The following GPC3 variants were observed in gnomAD, a reference collection of about 807,000 sequenced individuals.
GPC3 encodes the protein glypican 3, also known as glypican-3.
A neutral mutation model predicts 34.4 loss-of-function variants in GPC3; 3 were observed. That is an observed-to-expected ratio of 0.09 (90% confidence interval 0.04 to 0.23). GPC3 has a LOEUF of 0.23. Ranked by LOEUF, GPC3 falls within the 10% of genes least tolerant of loss-of-function variation. The pLI, the probability that GPC3 is intolerant of heterozygous loss-of-function variation, is 1.00. For missense variants in GPC3, 351 were observed against 445.6 expected (o/e 0.79, Z 1.91); for synonymous variants, 177 against 174.0 (o/e 1.02, Z -0.13).
chrX:133,801,992 A>G (rs887966106), intron 2 of GPC3, among the ~76,000 whole-genome samples: 2 of 112,123 alleles, frequency 1.8e-5, no homozygotes, highest in African/African-American at 6.5e-5. Context: ...AGAAAAAAAC[A>G]AAACCTTACT....
chrX:133,941,225 G>A (rs1354262967), intron 2 of GPC3, among the ~76,000 whole-genome samples: 1 of 112,283 alleles, frequency 8.9e-6, no homozygotes, highest in Non-Finnish European at 1.9e-5. Context: ...TCAAAGAATA[G>A]TTCCAGGGCC....
Position 133,714,953 on chromosome X carries a change from T to C in GPC3, c.1033-14925A>G, listed in dbSNP as rs1409124038. ...ACTGGAGGGAGCAGAATGGGGTTTG[T>C]AATGGTTAATACTGAATGTCAACTT... On this transcript the variant is annotated intron_variant, in intron 3 of 7. Coordinates refer to ENST00000370818, the MANE Select transcript of GPC3 (RefSeq NM_004484.4). 2.7e-5 allele frequency among the ~76,000 whole-genome samples: 3 copies of C among 111,844 alleles called. No homozygotes were observed. In the East Asian group the frequency reaches 8.4e-4, roughly 31 times the overall value.
chrX:133,755,333 C>A (rs1309207007), intron 2 of GPC3, among the ~76,000 whole-genome samples: 1 of 111,557 alleles, frequency 9.0e-6, no homozygotes, highest in Non-Finnish European at 1.9e-5. Flanking sequence ...AGACCATACT[C>A]CAACAGTTCC....
At chrX:133,623,067 T>C (rs1236185983) in intron 6 of GPC3, among the ~76,000 whole-genome samples, 1 of 111,886 alleles carries the variant, frequency 8.9e-6, no homozygotes, top group Non-Finnish European at 1.9e-5. Context: ...CTAAGCTTCA[T>C]CAGTGAATGA....
chrX:133,762,963 G>A (rs2071809805), intron 2 of GPC3: 1 of 633,460 alleles, frequency 1.6e-6, no homozygotes, highest in Non-Finnish European at 2.6e-6. Flanking sequence ...GGACCTGGGA[G>A]AATCTTCTGC....
intron 2 of GPC3, among the ~76,000 whole-genome samples, chrX:133,914,796 G>A (rs762622174): frequency 2.9e-5 from 3 of 104,354 alleles, no homozygotes. Flanking sequence ...TTTCTTTTTT[G>A]TAGCAAAAGA....
chrX:133,561,074 T>C (rs1027240671), intron 7 of GPC3, among the ~76,000 whole-genome samples: 2 of 112,204 alleles, frequency 1.8e-5, no homozygotes, highest in African/African-American at 6.5e-5. Context: ...GGTGCTACCA[T>C]GCTGCCCATC....
intron 2 of GPC3, among the ~76,000 whole-genome samples, chrX:133,821,807 A>G (rs1191279433): frequency 8.9e-6 from 1 of 112,099 alleles, no homozygotes; most frequent in African/African-American, 3.2e-5. Context: ...TTGCTAGGAA[A>G]ACATATTACA....
intron 2 of GPC3, among the ~76,000 whole-genome samples, chrX:133,792,504 T>C (rs1356514046): frequency 9.0e-6 from 1 of 111,078 alleles, no homozygotes; most frequent in East Asian, 2.8e-4. Context: ...TGATAAGGAT[T>C]TGGCATTCAA....
intron 6 of GPC3, among the ~76,000 whole-genome samples, chrX:133,652,560 C>T (rs980265426): frequency 2.7e-5 from 3 of 111,768 alleles, no homozygotes; most frequent in African/African-American, 6.5e-5. Flanking sequence ...ACAGTTGCTA[C>T]ATAAAATCAC....
chrX:133,740,244 G>A (rs2071550902), intron 3 of GPC3, among the ~76,000 whole-genome samples: 1 of 111,697 alleles, frequency 9.0e-6, no homozygotes, highest in Non-Finnish European at 1.9e-5. Flanking sequence ...TGGTAGGGGA[G>A]GAAACAGACT....
At chrX:133,944,088 A>ATC (rs763031870) in intron 2 of GPC3, among the ~76,000 whole-genome samples, 1 of 110,265 alleles carries the variant, frequency 9.1e-6, no homozygotes, top group African/African-American at 3.3e-5. Context: ...GAGTGTATGT[A>ATC]TATATATATA....
intron 7 of GPC3, among the ~76,000 whole-genome samples, chrX:133,557,936 T>A (rs2069504405): frequency 8.9e-6 from 1 of 112,126 alleles, no homozygotes; most frequent in Admixed American, 9.4e-5. Context: ...GGGATTACCA[T>A]GATTAAAGAT....
At chrX:133,780,457 G>A (rs1188983602) in intron 2 of GPC3, among the ~76,000 whole-genome samples, 1 of 110,865 alleles carries the variant, frequency 9.0e-6, no homozygotes, top group African/African-American at 3.3e-5. Context: ...ATGTTTTCCT[G>A]TCTTATAACA....
intron 2 of GPC3, among the ~76,000 whole-genome samples, chrX:133,878,700 C>T (rs1186322939): frequency 9.0e-6 from 1 of 111,689 alleles, no homozygotes; most frequent in Non-Finnish European, 1.9e-5. Flanking sequence ...GTTTCAGCTG[C>T]ACCACATCTT....
At chrX:133,878,228 G>T (rs913692919) in intron 2 of GPC3, among the ~76,000 whole-genome samples, 4 of 111,105 alleles carry the variant, frequency 3.6e-5, no homozygotes, top group Non-Finnish European at 7.6e-5. Flanking sequence ...AGGAGGTCAA[G>T]ACCAGCCTGG....
At chrX:133,832,977 G>T (rs1450184479) in intron 2 of GPC3, among the ~76,000 whole-genome samples, 3 of 112,276 alleles carry the variant, frequency 2.7e-5, no homozygotes, top group Non-Finnish European at 3.8e-5. Flanking sequence ...TTGGGGAAAA[G>T]AAAGAATAGA....
intron 6 of GPC3, among the ~76,000 whole-genome samples, chrX:133,630,914 A>T (rs1358113107): frequency 8.9e-6 from 1 of 111,940 alleles, no homozygotes; most frequent in Non-Finnish European, 1.9e-5. Flanking sequence ...CCCATAATAT[A>T]TTGGAAAAAG....
At chrX:133,958,956 T>C (rs949450339) in intron 1 of GPC3, among the ~76,000 whole-genome samples, 1 of 111,650 alleles carries the variant, frequency 9.0e-6, no homozygotes, top group African/African-American at 3.3e-5. Context: ...GAATGAACTA[T>C]GAAGTAATTT....
Sources: gnomAD v4.1 joint callset for allele counts (sites outside exome capture counted in the v4.1 genomes callset) on GRCh38, gnomAD v4.1.1 for gene constraint, MANE v1.5 for transcripts, NCBI Gene and HGNC (gene_info 2026-07-23, HGNC 2026-07-21) for gene names.